The following STRN3 variants were observed in gnomAD, a reference collection of about 807,000 sequenced individuals.
STRN3 encodes the protein striatin-3.
STRN3 carries 29 observed loss-of-function variants against 95.6 expected under a neutral mutation model. The observed-to-expected ratio is 0.30, with a 90% CI of 0.23 to 0.41. The LOEUF (loss-of-function observed/expected upper bound fraction) is 0.41. Among genes scored for constraint, STRN3 ranks in the 10% least tolerant of loss-of-function variants. The pLI is 1.00. For synonymous variants in STRN3, 331 were observed against 357.6 expected (o/e 0.93, Z 0.84); for missense variants, 890 against 972.1 (o/e 0.92, Z 1.12).
At chr14:30,963,182 G>A (rs547459538) in intron 1 of STRN3, among the ~76,000 whole-genome samples, 7 of 152,168 alleles carry the variant, frequency 4.6e-5, no homozygotes, top group East Asian at 1.9e-4. Context: ...AGAACAGAAC[G>A]GAGAACAGAC....
chr14:30,949,609 G>A lies in STRN3; in HGVS notation c.542+1254C>T, dbSNP rs117153430. ...TAAGGGAGGAGAATCTCTTGAGTCC[G>A]GGAGGCGGAGGTGATAGTGAGCAGA... On this transcript the variant is annotated intron_variant, in intron 4 of 17. Coordinates refer to ENST00000357479, the MANE Select transcript of STRN3 (RefSeq NM_001083893.2). Among the ~76,000 whole-genome samples, 275 of 152,148 alleles carry A rather than the reference G, an allele frequency of 1.8e-3. 5 individuals are homozygous for A. The East Asian group carries it at 0.031, about 17-fold the overall frequency.
chr14:30,922,487 G>A lies in STRN3; in HGVS notation c.1100-3381C>T, dbSNP rs577729702. Among the ~76,000 whole-genome samples the A allele has an allele frequency of 6.6e-5, 10 of 152,158 alleles. No homozygotes were observed. The South Asian group carries it at 1.9e-3, about 28-fold the overall frequency. On this transcript the variant is annotated intron_variant, in intron 8 of 17. Transcript: ENST00000357479. ...GACTACTGTTACATTTTCAAATTCCGCTCAAACACACATACTCATGCCATG... is the reference window on the plus strand; with the variant it reads ...GACTACTGTTACATTTTCAAATTCCACTCAAACACACATACTCATGCCATG...
intron 1 of STRN3, among the ~76,000 whole-genome samples, chr14:30,994,505 A>C (rs1312132490): frequency 6.6e-6 from 1 of 152,250 alleles, no homozygotes; most frequent in Non-Finnish European, 1.5e-5. Context: ...AACTGTATGC[A>C]TAGGGATCTT....
At chr14:30,953,533 TTC>T (rs2139134707) in intron 3 of STRN3, among the ~76,000 whole-genome samples, 1 of 152,342 alleles carries the variant, frequency 6.6e-6, no homozygotes, top group African/African-American at 2.4e-5. Context: ...TTTCCAGATT[TTC>T]ACTGTAAATA....
At chr14:30,912,909 A>T (rs1896646304) in intron 10 of STRN3, among the ~76,000 whole-genome samples, 1 of 152,144 alleles carries the variant, frequency 6.6e-6, no homozygotes, top group Non-Finnish European at 1.5e-5. Context: ...AGAAAAAAAA[A>T]TTGCTGAAAA....
At chr14:30,992,110 A>G (rs1881984014) in intron 1 of STRN3, among the ~76,000 whole-genome samples, 1 of 151,968 alleles carries the variant, frequency 6.6e-6, no homozygotes, top group Non-Finnish European at 1.5e-5. Context: ...AAAAAAAGCA[A>G]TTTTAAAAAG....
intron 8 of STRN3, among the ~76,000 whole-genome samples, chr14:30,921,952 C>G (rs1156767514): frequency 1.3e-5 from 2 of 152,142 alleles, no homozygotes; most frequent in African/African-American, 4.8e-5. Context: ...CTCTCTACAG[C>G]CTTGATCTCC....
intron 1 of STRN3, among the ~76,000 whole-genome samples, chr14:30,958,012 A>T (rs1276392738): frequency 6.6e-6 from 1 of 152,248 alleles, no homozygotes; most frequent in Non-Finnish European, 1.5e-5. Context: ...AGTAATAAAT[A>T]ACTGCTGTCG....
At chr14:30,925,111 G>T (rs1424602840) in intron 8 of STRN3, among the ~76,000 whole-genome samples, 2 of 151,742 alleles carry the variant, frequency 1.3e-5, no homozygotes, top group Non-Finnish European at 2.9e-5. Flanking sequence ...GTACTAATAA[G>T]ATAAAGTGCA....
In STRN3 at chr14:30,895,495, T is replaced by C. The variant is rs1282237034; in HGVS notation, c.2310A>G (p.Glu770=). ...EITAHRKKLD[E]SIYDVAFHSS... ...AGTGGAAAGCAACATCATAAATTGA[T>C]TCATCCAATTTCTTTCTGTGAGCTG... The change falls in exon 18 of 18, where the codon GAA becomes GAG. Residue 770 remains glutamate (E), a synonymous_variant. Transcript: ENST00000357479. The C allele has an allele frequency of 6.2e-6, 10 of 1,614,102 alleles. No homozygotes were observed. Among genetic ancestry groups the C allele is most frequent in the Non-Finnish European group, 8.5e-6 (10 of 1,180,006 alleles).
chr14:30,962,226 TA>T (rs1325830900), intron 1 of STRN3, among the ~76,000 whole-genome samples: 1 of 152,094 alleles, frequency 6.6e-6, no homozygotes, highest in Non-Finnish European at 1.5e-5. Context: ...GCTAATAGAA[TA>T]AAGATAAAAA....
At chr14:30,944,688 A>C (rs1594474284) in intron 5 of STRN3, among the ~76,000 whole-genome samples, 1 of 146,774 alleles carries the variant, frequency 6.8e-6, no homozygotes, top group African/African-American at 2.5e-5. Flanking sequence ...GCATGATCTC[A>C]GCTCACTGCA....
At chr14:31,023,754 C>T (rs1355544571) in intron 1 of STRN3, among the ~76,000 whole-genome samples, 1 of 151,562 alleles carries the variant, frequency 6.6e-6, no homozygotes, top group Non-Finnish European at 1.5e-5. Context: ...CACAAGCAAT[C>T]TCAGTAGACT....
intron 1 of STRN3, among the ~76,000 whole-genome samples, chr14:31,001,974 G>A (rs1415394673): frequency 6.6e-6 from 1 of 150,868 alleles, no homozygotes; most frequent in Non-Finnish European, 1.5e-5. Flanking sequence ...AGACCAGCCT[G>A]ACCAACATGG....
chr14:30,894,864 T>TA lies in STRN3; in HGVS notation c.*546dup, dbSNP rs763406267. 154 of 775,138 alleles carry TA rather than the reference T, an allele frequency of 2.0e-4. No individual in the cohort carries two copies. Among genetic ancestry groups the TA allele is most frequent in the Non-Finnish European group, 2.5e-4 (148 of 582,438 alleles). The allele number at this position is 775,138 out of a possible 1,614,324, so 48.0% of individuals were successfully genotyped here. A position where few individuals can be genotyped will look rare whatever the true frequency, so the allele number is the denominator to read the frequency against. ...TCCAAACATTTTGTGCAACTAATGC[T>TA]AAAATATTTTAAGTTAAATTTTCTT... On this transcript the variant is annotated 3_prime_UTR_variant, in exon 18 of 18. Transcript: ENST00000357479.
At chr14:30,938,660 A>G (rs1473142646) in intron 5 of STRN3, among the ~76,000 whole-genome samples, 1 of 152,176 alleles carries the variant, frequency 6.6e-6, no homozygotes, top group Non-Finnish European at 1.5e-5. Flanking sequence ...TCGCTCTTTG[A>G]AAGACACCAA....
intron 1 of STRN3, among the ~76,000 whole-genome samples, chr14:30,980,953 A>T (rs1881365360): frequency 6.6e-6 from 1 of 152,134 alleles, no homozygotes; most frequent in African/African-American, 2.4e-5. Flanking sequence ...TGGAAGCAAC[A>T]TACAGGCGAA....
At chr14:30,933,069 G>C (rs1878619588) in intron 7 of STRN3, among the ~76,000 whole-genome samples, 1 of 151,322 alleles carries the variant, frequency 6.6e-6, no homozygotes, top group African/African-American at 2.4e-5. Flanking sequence ...GAGTCCACGA[G>C]TTCAAGACTA....
chr14:30,915,236 C>A (rs2139000992), intron 9 of STRN3, among the ~76,000 whole-genome samples: 1 of 152,166 alleles, frequency 6.6e-6, no homozygotes, highest in South Asian at 2.1e-4. Context: ...ACAGTCATCA[C>A]TAAACTACTG....
Sources: allele counts gnomAD v4.1 joint callset (sites outside exome capture counted in the v4.1 genomes callset), GRCh38; gene constraint gnomAD v4.1.1; transcripts MANE v1.5; gene names NCBI Gene and HGNC (gene_info 2026-07-23, HGNC 2026-07-21).